Variants in PTPRN2 observed in about 807,000 individuals in gnomAD.
PTPRN2 encodes protein tyrosine phosphatase receptor type N2, also known as receptor-type tyrosine-protein phosphatase N2.
A neutral mutation model predicts 118.8 loss-of-function variants in PTPRN2; 74 were observed. The ratio of observed to expected loss-of-function variants is 0.62; its 90% CI spans 0.52 to 0.76. The LOEUF (loss-of-function observed/expected upper bound fraction) is 0.76, where lower values mean the gene tolerates loss of function less well. PTPRN2 is among the 30% of genes least tolerant of loss of function. The pLI is 0.00. For missense variants in PTPRN2, 1,481 were observed against 1,394.4 expected (o/e 1.06, Z -0.99); for synonymous variants, 641 against 608.0 (o/e 1.05, Z -0.80).
At position 158,570,743 on chromosome 7, in the gene PTPRN2, GC is replaced by G. The variant is rs1247619427; in HGVS notation, c.112+16814del. 6.6e-6 allele frequency among the ~76,000 whole-genome samples: 1 copy of G among 152,248 alleles called. No homozygotes were observed. Among genetic ancestry groups the G allele is most frequent in the East Asian group, 1.9e-4 (1 of 5,206 alleles). ...CCCGCGGAGAAGCTTGAGCCTGTGA[GC>G]CCCCGTCTCCGACCACGGACTCACC... On this transcript the variant is annotated intron_variant, in intron 1 of 22. Coordinates refer to ENST00000389418, the MANE Select transcript of PTPRN2 (RefSeq NM_002847.5). This position sits in a 1 kb window ranked among gnomAD's most constrained non-coding sequence, Gnocchi z 4.5.
chr7:157,589,341 C>T (rs1382208461), intron 17 of PTPRN2, among the ~76,000 whole-genome samples: 2 of 152,242 alleles, frequency 1.3e-5, no homozygotes, highest in Non-Finnish European at 2.9e-5. Context: ...AGCCCCCTTT[C>T]CTTATGCCCA....
intron 11 of PTPRN2, among the ~76,000 whole-genome samples, chr7:157,908,417 C>T (rs1797900768): frequency 6.6e-6 from 1 of 152,210 alleles, no homozygotes; most frequent in Non-Finnish European, 1.5e-5. Flanking sequence ...AATTAATGAA[C>T]GTGTCAAATC....
Position 158,098,722 on chromosome 7 carries a change from G to A in PTPRN2, c.1643+12107C>T, listed in dbSNP as rs572872184. ...TGGGCTCGGGGACTGGAAGAAGAAG[G>A]ACGTTTATCTCGTGAACGCGGGACG... On this transcript the variant is annotated intron_variant, in intron 10 of 22. Coordinates refer to ENST00000389418, the MANE Select transcript of PTPRN2 (RefSeq NM_002847.5). Among the ~76,000 whole-genome samples the A allele has an allele frequency of 5.9e-5, 9 of 152,314 alleles. No homozygotes were observed. In the East Asian group the frequency reaches 1.7e-3, roughly 29 times the overall value.
intron 2 of PTPRN2, among the ~76,000 whole-genome samples, chr7:158,324,565 C>T (rs775414201): frequency 6.6e-6 from 1 of 151,720 alleles, no homozygotes; most frequent in African/African-American, 2.4e-5. Flanking sequence ...GGTGGCCATG[C>T]GCCTCCACCC....
chr7:158,311,853 T>C (rs1045642646), intron 3 of PTPRN2, among the ~76,000 whole-genome samples: 1 of 123,672 alleles, frequency 8.1e-6, no homozygotes, highest in African/African-American at 3.1e-5. Flanking sequence ...GCACACACAC[T>C]CACATGCTCA....
intron 1 of PTPRN2, among the ~76,000 whole-genome samples, chr7:158,511,089 G>A (rs906077212): frequency 6.6e-5 from 10 of 152,164 alleles, no homozygotes; most frequent in Admixed American, 6.5e-5. Context: ...AGGAGTTGAC[G>A]GCAAGAAATG....
intron 12 of PTPRN2, among the ~76,000 whole-genome samples, chr7:157,795,829 G>A (rs1016521549): frequency 6.6e-5 from 10 of 152,170 alleles, no homozygotes; most frequent in African/African-American, 1.9e-4. Context: ...CCAGCCCATC[G>A]GTCACCAAGG....
intron 12 of PTPRN2, among the ~76,000 whole-genome samples, chr7:157,822,402 T>C (rs1211911369): frequency 6.6e-6 from 1 of 151,688 alleles, no homozygotes; most frequent in Non-Finnish European, 1.5e-5. Flanking sequence ...CTATATACTA[T>C]CCATTAACTA....
chr7:158,388,022 C>A (rs992427742), intron 2 of PTPRN2, among the ~76,000 whole-genome samples: 1 of 152,104 alleles, frequency 6.6e-6, no homozygotes, highest in African/African-American at 2.4e-5. Flanking sequence ...ACATACAAAC[C>A]CCCTGCTGAG....
intron 3 of PTPRN2, among the ~76,000 whole-genome samples, chr7:158,301,522 G>C (rs1026811511): frequency 1.3e-5 from 2 of 152,200 alleles, no homozygotes; most frequent in Admixed American, 1.3e-4. Flanking sequence ...CCACTCCCCA[G>C]CTCTTGCTGG....
chr7:158,261,660 G>A (rs951522885), intron 3 of PTPRN2, among the ~76,000 whole-genome samples: 5 of 152,208 alleles, frequency 3.3e-5, no homozygotes, highest in South Asian at 2.1e-4. Context: ...GGTGCACTCC[G>A]GGACCGCAGG....
intron 3 of PTPRN2, among the ~76,000 whole-genome samples, chr7:158,249,533 GC>G (rs1261559826): frequency 7.0e-6 from 1 of 143,342 alleles, no homozygotes; most frequent in African/African-American, 2.6e-5. Flanking sequence ...CACCATACAT[GC>G]ATACATACAC....
intron 12 of PTPRN2, among the ~76,000 whole-genome samples, chr7:157,815,116 C>A (rs1274354542): frequency 6.6e-6 from 1 of 152,252 alleles, no homozygotes; most frequent in Non-Finnish European, 1.5e-5. Context: ...GCTCCGGCTG[C>A]TGGGCCTGCA....
rs560725207 is a variant in PTPRN2, at chr7:158,081,257, C to A, written c.1723+41G>T. 3 of 1,541,258 alleles carry A rather than the reference C, an allele frequency of 1.9e-6. No homozygotes were observed. The African/African-American group carries it at 4.1e-5, about 21-fold the overall frequency. ...GTTTGCGTGCGTGTGTGTGTGCACA[C>A]ACGTGTGTGTGCGTGTACGTGTGTG... On this transcript the variant is annotated intron_variant, in intron 11 of 22. Coordinates refer to ENST00000389418, the MANE Select transcript of PTPRN2 (RefSeq NM_002847.5).
At chr7:158,054,739 C>T (rs551491589) in intron 11 of PTPRN2, among the ~76,000 whole-genome samples, 2 of 152,240 alleles carry the variant, frequency 1.3e-5, no homozygotes, top group South Asian at 2.1e-4. Context: ...AAGTCCTGCC[C>T]ATAGTGTGCC....
At chr7:158,011,380 C>T (rs1055356646) in intron 11 of PTPRN2, among the ~76,000 whole-genome samples, 7 of 152,162 alleles carry the variant, frequency 4.6e-5, no homozygotes, top group Non-Finnish European at 1.0e-4. Context: ...TAACAAATAC[C>T]AATGGCCTGA....
At chr7:158,044,330 TG>T (rs1229520185) in intron 11 of PTPRN2, among the ~76,000 whole-genome samples, 2 of 151,820 alleles carry the variant, frequency 1.3e-5, no homozygotes, top group East Asian at 3.9e-4. Flanking sequence ...GAGGCAGGGG[TG>T]GGGGGCGTCC....
Position 158,003,701 on chromosome 7 carries a change from C to T in PTPRN2, c.1723+77597G>A, listed in dbSNP as rs763227250. Among the ~76,000 whole-genome samples, 3 of 151,836 alleles carry T rather than the reference C, an allele frequency of 2.0e-5. No homozygotes were observed. The highest frequency in any genetic ancestry group is 2.9e-5 in the Non-Finnish European group (2 of 67,972). Reference sequence around the variant, plus strand: ...GCTGACTGACAGGGGTGGGGAAGCACGCCATCCGGGCTCCAGCCCTGCGGT... The same window carrying T: ...GCTGACTGACAGGGGTGGGGAAGCATGCCATCCGGGCTCCAGCCCTGCGGT... On this transcript the variant is annotated intron_variant, in intron 11 of 22. Transcript: ENST00000389418. This position sits in a 1 kb window ranked among gnomAD's most constrained non-coding sequence, Gnocchi z 5.0.
chr7:158,477,568 C>T (rs2129444683), intron 2 of PTPRN2, among the ~76,000 whole-genome samples: 1 of 152,304 alleles, frequency 6.6e-6, no homozygotes, highest in East Asian at 1.9e-4. Flanking sequence ...CTTCCCTTTT[C>T]ATAAAATCAG....
Sources: gnomAD v4.1 joint callset for allele counts (sites outside exome capture counted in the v4.1 genomes callset) on GRCh38, gnomAD v4.1.1 for gene constraint, Gnocchi (gnomAD v3.1) non-coding constraint, MANE v1.5 for transcripts, NCBI Gene and HGNC (gene_info 2026-07-23, HGNC 2026-07-21) for gene names.